Variants in H2AJ observed in about 807,000 individuals in gnomAD.
H2AJ encodes H2A.J histone.
Under a neutral mutation model 7.9 loss-of-function variants are expected in H2AJ, and 3 were observed. The observed-to-expected ratio is 0.38, with a 90% CI of 0.17 to 0.98. The LOEUF (loss-of-function observed/expected upper bound fraction) is 0.98, where lower values mean the gene tolerates loss of function less well. Among genes scored for constraint, H2AJ ranks in the 50% least tolerant of loss-of-function variants. The probability of loss-of-function intolerance (pLI) is 0.39; values close to 1 mark genes in which losing one functional copy is unlikely to be tolerated. For synonymous variants in H2AJ, 98 were observed against 85.7 expected (o/e 1.14, Z -0.79); for missense variants, 128 against 174.4 (o/e 0.73, Z 1.50).
chr12:14,775,485 G>A, downstream of H2AJ: 1 of 468,046 alleles, frequency 2.1e-6, no homozygotes, highest in Non-Finnish European at 4.4e-6. Context: ...TAGCTGCTGT[G>A]CTTTCATGCT....
chr12:14,774,938 G>T lies in H2AJ; in HGVS notation c.*78G>T. ...GTCGTCCCGCAATGCTTTTGAATGT[G>T]CTGGATGTCATGGAGGGCCGGTGAC... is the stretch of plus-strand genomic sequence containing the variant. On this transcript the variant is annotated 3_prime_UTR_variant, in exon 1 of 1. Transcript: ENST00000544848. 1 of 1,499,536 alleles carries T rather than the reference G, an allele frequency of 6.7e-7. No individual in the cohort carries two copies. The highest frequency in any genetic ancestry group is 9.0e-7 in the Non-Finnish European group (1 of 1,108,138). 92.9% of individuals were successfully genotyped at this position (1,499,536 alleles called of 1,614,324 possible).
At chr12:14,776,139 C>A (rs1310123189), downstream of H2AJ, 9 of 167,054 alleles carry the variant, frequency 5.4e-5, no homozygotes, top group Admixed American at 5.2e-4. Context: ...AAGTCTTCCC[C>A]AAAAATATAT....
In H2AJ at chr12:14,774,629, G is replaced by C. The variant is rs755379048; in HGVS notation, c.159G>C (p.Ala53=). The change falls in exon 1 of 1, where the codon GCG becomes GCC. Residue 53 remains alanine (A), a synonymous_variant. Coordinates refer to ENST00000544848, the MANE Select transcript of H2AJ (RefSeq NM_177925.5). ...RVGAGAPVYL[A]AVLEYLTAEI... is the part of the protein sequence containing the mutation. ...GCGCCGGGGCGCCGGTGTACCTGGC[G>C]GCGGTGTTGGAGTACCTTACGGCGG... is the stretch of plus-strand genomic sequence containing the variant. 5.0e-6 allele frequency: 8 copies of C among 1,613,996 alleles called. No homozygotes were observed. The highest frequency in any genetic ancestry group is 5.9e-6 in the Non-Finnish European group (7 of 1,180,012).
downstream of H2AJ, chr12:14,775,416 C>A (rs761246842): frequency 6.4e-6 from 3 of 471,230 alleles, no homozygotes; most frequent in South Asian, 1.5e-5. Context: ...GAGTAACTTT[C>A]CGTCTTGGAA....
At chr12:14,777,527 G>C (rs1325890990), downstream of H2AJ, 1 of 166,998 alleles carries the variant, frequency 6.0e-6, no homozygotes, top group Non-Finnish European at 1.5e-5. Context: ...GTGATGACTG[G>C]CATACTATAT....
downstream of H2AJ, chr12:14,776,079 C>T (rs3789998): frequency 2.6e-3 from 433 of 167,242 alleles, 4 homozygotes; most frequent in East Asian, 0.017. Context: ...AAAAAGATCC[C>T]AGTACAGATT....
In H2AJ at chr12:14,774,619, T is replaced by TGTACCTGGCGGCGGTGTTGGA. The variant is rs746087410; in HGVS notation, c.156_176dup (p.Ala53_Leu59dup). 1 of 1,613,850 alleles carries TGTACCTGGCGGCGGTGTTGGA rather than the reference T, an allele frequency of 6.2e-7. No homozygotes were observed. The highest frequency in any genetic ancestry group is 1.1e-5 in the South Asian group (1 of 91,034). On this transcript the variant is annotated inframe_insertion, in exon 1 of 1. Coordinates refer to ENST00000544848, the MANE Select transcript of H2AJ (RefSeq NM_177925.5). ...GAGCGAGTGGGCGCCGGGGCGCCGG[T>TGTACCTGGCGGCGGTGTTGGA]GTACCTGGCGGCGGTGTTGGAGTAC...
downstream of H2AJ, chr12:14,775,364 C>A (rs1260771834): frequency 2.1e-6 from 1 of 471,330 alleles, no homozygotes; most frequent in Non-Finnish European, 4.4e-6. Flanking sequence ...TCGAGCTGAG[C>A]TCGGGGCAGG....
downstream of H2AJ, chr12:14,776,666 C>A (rs1327522384): frequency 6.0e-6 from 1 of 167,002 alleles, no homozygotes; most frequent in Non-Finnish European, 1.5e-5. Flanking sequence ...ATGGGTTTAT[C>A]CTTATAGGTT....
At position 14,774,424 on chromosome 12, in the gene H2AJ, C is replaced by T; in HGVS notation, c.-47C>T. The T allele has an allele frequency of 6.6e-7, 1 of 1,523,726 alleles. No homozygotes were observed. The highest frequency in any genetic ancestry group is 1.8e-4 in the Middle Eastern group (1 of 5,578). 94.4% of individuals were successfully genotyped at this position (1,523,726 alleles called of 1,614,324 possible). On this transcript the variant is annotated 5_prime_UTR_variant, in exon 1 of 1. Coordinates refer to ENST00000544848, the MANE Select transcript of H2AJ (RefSeq NM_177925.5). ...TACGTTGCATTCCGGTACCGGACGC[C>T]GAGAGCGGTTTGTCTCCGTCTCTGG...
chr12:14,775,275 T>TA (rs1394786899), downstream of H2AJ: 1 of 474,268 alleles, frequency 2.1e-6, no homozygotes, highest in African/African-American at 2.0e-5. Context: ...GAATTATTTT[T>TA]ACTTCCCTTT....
At chr12:14,777,870 G>C (rs766158342), downstream of H2AJ, 59 of 167,058 alleles carry the variant, frequency 3.5e-4, no homozygotes, top group African/African-American at 1.4e-3. Context: ...CAGGTAAACA[G>C]CATTCTAGCA....
chr12:14,774,689 C>T lies in H2AJ; in HGVS notation c.219C>T (p.Asp73=). 1 of 1,614,168 alleles carries T rather than the reference C, an allele frequency of 6.2e-7. No homozygotes were observed. The highest frequency in any genetic ancestry group is 8.5e-7 in the Non-Finnish European group (1 of 1,180,028). The change falls in exon 1 of 1, where the codon GAC becomes GAT. Residue 73 remains aspartate (D), a synonymous_variant. Transcript: ENST00000544848. ...ILELAGNAAR[D]NKKTRIIPRH... is the part of the protein sequence containing the mutation. ...AGCTGGCTGGCAACGCCGCGCGTGA[C>T]AACAAGAAGACCAGGATAATTCCCC...
downstream of H2AJ, chr12:14,775,446 A>T (rs1019643735): frequency 6.4e-6 from 3 of 471,038 alleles, no homozygotes; most frequent in African/African-American, 6.0e-5. Context: ...TGATGGCACG[A>T]TGTCAACTTG....
At chr12:14,776,290 A>G (rs1248780791), downstream of H2AJ, 1 of 167,118 alleles carries the variant, frequency 6.0e-6, no homozygotes, top group East Asian at 1.9e-4. Flanking sequence ...GAATGAGGCC[A>G]ACCAGATTTC....
chr12:14,775,512 T>C (rs578003788), downstream of H2AJ: 1 of 443,960 alleles, frequency 2.3e-6, no homozygotes, highest in Admixed American at 2.6e-5. Flanking sequence ...ATCAGATATC[T>C]TTATATAGCA....
chr12:14,775,112 G>A (rs1176379261), downstream of H2AJ: 3 of 549,390 alleles, frequency 5.5e-6, no homozygotes, highest in Non-Finnish European at 1.0e-5. Context: ...AGCAGGCACT[G>A]GTGGGTGGGC....
chr12:14,774,577 G>C lies in H2AJ; in HGVS notation c.107G>C (p.Arg36Pro). 6.2e-7 allele frequency: 1 copy of C among 1,613,976 alleles called. No individual in the cohort carries two copies. The highest frequency in any genetic ancestry group is 8.5e-7 in the Non-Finnish European group (1 of 1,179,972). ...GTGGGCCGAGTGCACAGACTGCTGC[G>C]CAAAGGGAACTACGCGGAGCGAGTG... The part of the protein sequence containing the change: ...FPVGRVHRLL[R>P]KGNYAERVGA... The change falls in exon 1 of 1, where the codon CGC (arginine) becomes CCC (proline). Residue 36 changes from arginine (R) to proline (P), a missense_variant. Arg to Pro is a moderately radical substitution (Grantham distance 103). Transcript: ENST00000544848.
chr12:14,775,282 C>T (rs1258099727), downstream of H2AJ: 1 of 473,786 alleles, frequency 2.1e-6, no homozygotes, highest in East Asian at 6.9e-5. Flanking sequence ...TTTTACTTCC[C>T]TTTCACAGAG....
Sources: allele counts gnomAD v4.1 joint callset, GRCh38; gene constraint gnomAD v4.1.1; transcripts MANE v1.5; gene names NCBI Gene and HGNC (gene_info 2026-07-23, HGNC 2026-07-21).